The following ANKRD1 variants were observed in gnomAD, a reference collection of about 807,000 sequenced individuals.
ANKRD1 encodes the protein ankyrin repeat domain-containing protein 1.
In ANKRD1, 32 loss-of-function variants were observed where a neutral mutation model predicts 40.1. That is an observed-to-expected ratio of 0.80 (90% confidence interval 0.60 to 1.07). ANKRD1 has a LOEUF of 1.07. Among genes scored for constraint, ANKRD1 ranks in the 50% least tolerant of loss-of-function variants. The pLI, the probability that ANKRD1 is intolerant of heterozygous loss-of-function variation, is 0.00. For missense variants in ANKRD1, 359 were observed against 386.0 expected (o/e 0.93, Z 0.59); for synonymous variants, 149 against 141.2 (o/e 1.06, Z -0.39).
In ANKRD1 at chr10:90,920,784, G is replaced by GGAGAA. The variant is rs575782729; in HGVS notation, c.27+212_27+216dup. ...TCCACACTGTAGTAATAAAACCAAA[G>GGAGAA]GAGAAGATATTAAATAGGAAATATG... On this transcript the variant is annotated intron_variant, in intron 1 of 8. Transcript: ENST00000371697. 4.3e-4 allele frequency among the ~76,000 whole-genome samples: 65 copies of GGAGAA among 152,224 alleles called. No individual in the cohort carries two copies. In the South Asian group the frequency reaches 9.1e-3, roughly 21 times the overall value.
intron 1 of ANKRD1, 27 bp downstream of exon 1, chr10:90,920,974 T>C (rs778760010): frequency 4.3e-6 from 7 of 1,609,384 alleles, no homozygotes; most frequent in Non-Finnish European, 6.0e-6. Flanking sequence ...CAGTTTTCAT[T>C]TTATAAAATT....
chr10:90,920,447 G>C, intron 1 of ANKRD1, 99 bp from the exon 2 acceptor site: 1 of 1,347,850 alleles, frequency 7.4e-7, no homozygotes, highest in South Asian at 1.2e-5. Flanking sequence ...TTCTCCCCTG[G>C]GAACAGCCAC....
In ANKRD1 at chr10:90,915,699, C is replaced by T; in HGVS notation, c.751-58G>A. The T allele has an allele frequency of 2.5e-6, 4 of 1,609,074 alleles. No homozygotes were observed. In the South Asian group the frequency reaches 3.3e-5, roughly 13 times the overall value. On this transcript the variant is annotated intron_variant, in intron 7 of 8. Transcript: ENST00000371697. ...GTCTGAGGCCAGGAAGTGGGTCCTG[C>T]AAGGGCACCCAGGCTTGGGGGAGTG...
intron 5 of ANKRD1, 113 bp from the exon 6 acceptor site, chr10:90,916,382 A>G: frequency 1.3e-6 from 1 of 780,314 alleles, no homozygotes; most frequent in Admixed American, 1.9e-5. Context: ...TAGATTGACA[A>G]TTCTAACTGG....
chr10:90,918,754 G>A (rs1847398265), intron 4 of ANKRD1, 111 bp downstream of exon 4: 1 of 904,198 alleles, frequency 1.1e-6, no homozygotes. Flanking sequence ...AACAGCTGGG[G>A]AAACTGTTTC....
chr10:90,919,474 C>T (rs1040945617), intron 2 of ANKRD1, among the ~76,000 whole-genome samples: 2 of 152,140 alleles, frequency 1.3e-5, no homozygotes, highest in Non-Finnish European at 2.9e-5. Context: ...CAGCTAATTG[C>T]CATCATCTTT....
chr10:90,918,136 T>C (rs909227875), intron 4 of ANKRD1, among the ~76,000 whole-genome samples: 2 of 152,226 alleles, frequency 1.3e-5, no homozygotes, highest in Non-Finnish European at 2.9e-5. Flanking sequence ...TGCACCTTCC[T>C]TGTTCATGTA....
At chr10:90,913,766 G>C (rs1286261991) in intron 8 of ANKRD1, among the ~76,000 whole-genome samples, 1 of 152,080 alleles carries the variant, frequency 6.6e-6, no homozygotes, top group African/African-American at 2.4e-5. Flanking sequence ...GACCTGTTTT[G>C]TTTTGACCCA....
rs397517249 is a variant in ANKRD1 at position 90,920,180 on chromosome 10, G to A, written c.196C>T (p.Arg66Ter). 12 of 1,613,556 alleles carry A rather than the reference G, an allele frequency of 7.4e-6. No homozygotes were observed. Among genetic ancestry groups the A allele is most frequent in the East Asian group, 2.2e-5 (1 of 44,878 alleles). Residue 66 changes from arginine (R) to a stop codon, truncating the protein, a stop_gained, in exon 2 of 9, where the codon CGA becomes TGA. Transcript: ENST00000371697. LOFTEE classifies it high-confidence loss of function. ...GEQQWKSEKQ[R>*]EAELKKKKLE... is the part of the protein sequence containing the mutation. ...CAGATGGCTCTCACCTCTGCCTCTC[G>A]TTGTTTCTCGCTTTTCCACTGTTGC...
intron 5 of ANKRD1, 32 bp downstream of exon 5, chr10:90,917,700 T>A (rs1249127266): frequency 1.9e-6 from 3 of 1,583,188 alleles, no homozygotes; most frequent in Non-Finnish European, 1.7e-6. Flanking sequence ...CTACTTCTTT[T>A]GGCTCATTCC....
intron 4 of ANKRD1, 126 bp from the exon 5 acceptor site, chr10:90,917,956 A>G (rs373437994): frequency 1.4e-6 from 1 of 732,714 alleles, no homozygotes; most frequent in Non-Finnish European, 2.3e-6. Context: ...CTTCTTTATG[A>G]ATAGAAATGT....
chr10:90,919,683 A>G (rs1847413652), intron 2 of ANKRD1, among the ~76,000 whole-genome samples: 1 of 152,262 alleles, frequency 6.6e-6, no homozygotes, highest in East Asian at 1.9e-4. Flanking sequence ...TATCAATGTC[A>G]TTCTCTTTCA....
At chr10:90,920,457 C>A in intron 1 of ANKRD1, 109 bp from the exon 2 acceptor site, 2 of 1,230,954 alleles carry the variant, frequency 1.6e-6, no homozygotes, top group South Asian at 2.4e-5. Context: ...GGAACAGCCA[C>A]CTTTGAGCAG....
At chr10:90,916,064 G>A (rs1847368759) in intron 6 of ANKRD1, 107 bp downstream of exon 6, 1 of 600,284 alleles carries the variant, frequency 1.7e-6, no homozygotes, top group Admixed American at 2.4e-5. Flanking sequence ...GGAAGGGCGG[G>A]TGGGGGAGAA....
At chr10:90,918,074 A>G (rs1847391868) in intron 4 of ANKRD1, among the ~76,000 whole-genome samples, 1 of 152,234 alleles carries the variant, frequency 6.6e-6, no homozygotes, top group Non-Finnish European at 1.5e-5. Flanking sequence ...GAGGAGTGTG[A>G]ACTTAAAGGC....
chr10:90,912,872 T>G lies in ANKRD1; in HGVS notation c.954A>C (p.Thr318=), dbSNP rs1334039758. 1.9e-6 allele frequency: 3 copies of G among 1,613,730 alleles called. No individual in the cohort carries two copies. Among genetic ancestry groups the G allele is most frequent in the Non-Finnish European group, 8.5e-7 (1 of 1,179,754 alleles). The change falls in exon 9 of 9, where the codon ACA becomes ACC. Residue 318 remains threonine (T), a synonymous_variant. Transcript: ENST00000371697. ...ENSYKTSRIA[T]F is the part of the protein sequence containing the mutation. ...TAAGAGTCTGTCGTTTGCCTCAGAA[T>G]GTAGCTATGCGAGAGGTCTTGTAGG... is the stretch of plus-strand genomic sequence containing the variant.
Position 90,916,161 on chromosome 10 carries a change from G to A in ANKRD1, c.651+10C>T, listed in dbSNP as rs1847371278. ...GGGGTGAATGAAGGGAGAAGGAGAAGAAGGAATACCTTATCTCGGGCGCTA... is the reference window on the plus strand; with the variant it reads ...GGGGTGAATGAAGGGAGAAGGAGAAAAAGGAATACCTTATCTCGGGCGCTA... On this transcript the variant is annotated intron_variant, in intron 6 of 8. Coordinates refer to ENST00000371697, the MANE Select transcript of ANKRD1 (RefSeq NM_014391.3). 1 of 1,603,858 alleles carries A rather than the reference G, an allele frequency of 6.2e-7. No individual in the cohort carries two copies. Among genetic ancestry groups the A allele is most frequent in the African/African-American group, 1.3e-5 (1 of 74,394 alleles).
At position 90,918,934 on chromosome 10, in the gene ANKRD1, A is replaced by T; in HGVS notation, c.384T>A (p.Ala128=). The change falls in exon 4 of 9, where the codon GCT becomes GCA. Residue 128 remains alanine (A), a synonymous_variant. Transcript: ENST00000371697. Reference sequence around the variant, plus strand: ...CTACTACTGGCAGTTTATTCTCCAGAGCAGCCTTCAGAAACGTAGGCACAT... The same window carrying T: ...CTACTACTGGCAGTTTATTCTCCAGTGCAGCCTTCAGAAACGTAGGCACAT... ...PVDVPTFLKA[A]LENKLPVVEK... 1 of 1,611,150 alleles carries T rather than the reference A, an allele frequency of 6.2e-7. No individual in the cohort carries two copies. The highest frequency in any genetic ancestry group is 1.7e-5 in the Admixed American group (1 of 59,920).
intron 2 of ANKRD1, 83 bp from the exon 3 acceptor site, chr10:90,919,351 T>C (rs1478978318): frequency 3.1e-6 from 4 of 1,276,530 alleles, no homozygotes; most frequent in Non-Finnish European, 4.4e-6. Flanking sequence ...ATCTGCAAGG[T>C]CTGAGATAAA....
Sources: gnomAD v4.1 joint callset for allele counts (sites outside exome capture counted in the v4.1 genomes callset) on GRCh38, gnomAD v4.1.1 for gene constraint, MANE v1.5 for transcripts, NCBI Gene and HGNC (gene_info 2026-07-23, HGNC 2026-07-21) for gene names.